Variants in PTPRT observed in about 807,000 individuals in gnomAD.
PTPRT encodes receptor-type tyrosine-protein phosphatase T.
Under a neutral mutation model 176.8 loss-of-function variants are expected in PTPRT, and 56 were observed. The ratio of observed to expected loss-of-function variants is 0.32; its 90% CI spans 0.26 to 0.40. The LOEUF is 0.40. Ranked by LOEUF, PTPRT falls within the 10% of genes least tolerant of loss-of-function variation. The pLI is 1.00. For missense variants in PTPRT, 1,540 were observed against 1,908.2 expected, an observed-to-expected ratio of 0.81 and a Z score of 3.60; for synonymous variants, 783 against 739.0, an observed-to-expected ratio of 1.06 and a Z score of -0.96.
At chr20:42,984,852 C>T (rs1390515446) in intron 1 of PTPRT, among the ~76,000 whole-genome samples, 3 of 152,146 alleles carry the variant, frequency 2.0e-5, no homozygotes, top group Non-Finnish European at 4.4e-5. Flanking sequence ...TAGGAATCAG[C>T]AACAGTTAAA....
intron 7 of PTPRT, among the ~76,000 whole-genome samples, chr20:42,643,508 G>GA (rs1569048291): frequency 6.6e-6 from 1 of 151,808 alleles, no homozygotes; most frequent in African/African-American, 2.4e-5. Flanking sequence ...ATTGAGACAA[G>GA]GTTTTGCTAC....
intron 2 of PTPRT, among the ~76,000 whole-genome samples, chr20:42,861,614 C>T (rs770521299): frequency 2.0e-5 from 3 of 150,780 alleles, no homozygotes; most frequent in Non-Finnish European, 4.4e-5. Context: ...TTAGGGAAAA[C>T]AGTTACACAA....
chr20:42,311,022 T>C (rs538397557), intron 12 of PTPRT, among the ~76,000 whole-genome samples: 1 of 152,220 alleles, frequency 6.6e-6, no homozygotes, highest in African/African-American at 2.4e-5. Flanking sequence ...AAAGAGTCTA[T>C]AAAATGTCTT....
intron 9 of PTPRT, among the ~76,000 whole-genome samples, chr20:42,409,481 CAAAAAAAAAAAAAAAAAAAAAAA>C (rs58932390): frequency 0.2 from 22,355 of 112,406 alleles, 2,371 homozygotes; most frequent in African/African-American, 0.35. Context: ...GACTCTGTCG[CAAAAAAAAAAAAAAAAAAAAAAA>C]AAAAAAAAAA....
At chr20:42,334,730 T>C (rs1160834460) in intron 11 of PTPRT, among the ~76,000 whole-genome samples, 1 of 152,224 alleles carries the variant, frequency 6.6e-6, no homozygotes, top group Admixed American at 6.5e-5. Context: ...TAAACTTGAA[T>C]TTTAGCTCTG....
At chr20:42,545,148 A>G (rs2072652177) in intron 7 of PTPRT, among the ~76,000 whole-genome samples, 1 of 152,194 alleles carries the variant, frequency 6.6e-6, no homozygotes, top group South Asian at 2.1e-4. Flanking sequence ...TCCTCAGACC[A>G]GGCCCCGTTA....
chr20:42,114,652 C>T (rs1186416722), intron 22 of PTPRT, among the ~76,000 whole-genome samples: 2 of 152,154 alleles, frequency 1.3e-5, no homozygotes, highest in Non-Finnish European at 2.9e-5. Flanking sequence ...CACTAGGTGC[C>T]AGTACCATCC....
chr20:42,212,086 G>C (rs1018844709), intron 15 of PTPRT, among the ~76,000 whole-genome samples: 1 of 139,414 alleles, frequency 7.2e-6, no homozygotes, highest in African/African-American at 2.7e-5. Flanking sequence ...TCATAGATGG[G>C]AATTGAACAA....
At chr20:42,590,689 T>C (rs924991713) in intron 7 of PTPRT, among the ~76,000 whole-genome samples, 16 of 152,124 alleles carry the variant, frequency 1.1e-4, no homozygotes, top group Admixed American at 4.6e-4. Context: ...TCAGTGTCAA[T>C]TAGATGAAGG....
At chr20:42,559,635 T>C (rs1217625024) in intron 7 of PTPRT, among the ~76,000 whole-genome samples, 1 of 152,196 alleles carries the variant, frequency 6.6e-6, no homozygotes, top group African/African-American at 2.4e-5. Context: ...CTTCCATTGA[T>C]GCTCTTTGAC....
At chr20:43,076,345 A>G (rs1046939428) in intron 1 of PTPRT, among the ~76,000 whole-genome samples, 13 of 152,158 alleles carry the variant, frequency 8.5e-5, no homozygotes, top group Non-Finnish European at 1.9e-4. Flanking sequence ...TACAACATGA[A>G]ACTAAAATAA....
intron 17 of PTPRT, among the ~76,000 whole-genome samples, chr20:42,145,953 T>C (rs1358612915): frequency 6.6e-6 from 1 of 152,188 alleles, no homozygotes. Context: ...ATTTCACAAA[T>C]GTGGGGCTTA....
chr20:42,360,565 G>A (rs1014392791), intron 9 of PTPRT, among the ~76,000 whole-genome samples: 1 of 152,162 alleles, frequency 6.6e-6, no homozygotes, highest in African/African-American at 2.4e-5. Flanking sequence ...AAACCTTCTT[G>A]TTTAATGAGT....
intron 9 of PTPRT, among the ~76,000 whole-genome samples, chr20:42,425,935 G>T (rs1221212492): frequency 6.6e-6 from 1 of 152,148 alleles, no homozygotes; most frequent in African/African-American, 2.4e-5. Context: ...TAAGCAGTTT[G>T]GTGCTGCCAG....
intron 1 of PTPRT, among the ~76,000 whole-genome samples, chr20:42,896,961 A>G (rs1283441587): frequency 6.6e-6 from 1 of 152,218 alleles, no homozygotes; most frequent in Non-Finnish European, 1.5e-5. Flanking sequence ...TTCTGAATAT[A>G]TAATTGAATT....
At chr20:42,947,017 G>A (rs192137057) in intron 1 of PTPRT, among the ~76,000 whole-genome samples, 70 of 152,278 alleles carry the variant, frequency 4.6e-4, no homozygotes, top group African/African-American at 1.6e-3. Flanking sequence ...CAAAGAGAGC[G>A]GCTACAGGGA....
intron 7 of PTPRT, among the ~76,000 whole-genome samples, chr20:42,594,427 G>A (rs771319747): frequency 6.6e-5 from 10 of 152,040 alleles, no homozygotes; most frequent in Non-Finnish European, 1.0e-4. Flanking sequence ...TGTAATGTTC[G>A]TTCTCTTTCT....
At chr20:42,867,765 T>C (rs2078773348) in intron 2 of PTPRT, among the ~76,000 whole-genome samples, 1 of 132,230 alleles carries the variant, frequency 7.6e-6, no homozygotes, top group Admixed American at 8.6e-5. Context: ...CACCACAACC[T>C]CCACCTCCCA....
At chr20:42,210,024 T>TA in intron 15 of PTPRT, among the ~76,000 whole-genome samples, 1 of 152,274 alleles carries the variant, frequency 6.6e-6, no homozygotes, top group Admixed American at 6.5e-5. Flanking sequence ...ATCCAGCATA[T>TA]AAACAGAGCC....
Sources: allele counts gnomAD v4.1 joint callset (sites outside exome capture counted in the v4.1 genomes callset), GRCh38; gene constraint gnomAD v4.1.1; transcripts MANE v1.5; gene names NCBI Gene and HGNC (gene_info 2026-07-23, HGNC 2026-07-21).